The following SLCO2A1 variants were observed in gnomAD, a reference collection of about 807,000 sequenced individuals.
SLCO2A1 encodes the protein solute carrier organic anion transporter family member 2A1, also known as matrin F/G 1.
In SLCO2A1, 60 loss-of-function variants were observed where a neutral mutation model predicts 71.7. The observed-to-expected ratio is 0.84, with a 90% confidence interval of 0.68 to 1.04. SLCO2A1 has a LOEUF of 1.04. Among genes scored for constraint, SLCO2A1 ranks in the 50% least tolerant of loss-of-function variants. SLCO2A1 has a pLI of 0.00. For synonymous variants in SLCO2A1, 308 were observed against 326.7 expected (o/e 0.94, Z 0.62); for missense variants, 745 against 813.4 (o/e 0.92, Z 1.02).
chr3:134,011,423 A>G (rs1165726847), intron 1 of SLCO2A1, among the ~76,000 whole-genome samples: 1 of 152,238 alleles, frequency 6.6e-6, no homozygotes, highest in Non-Finnish European at 1.5e-5. Context: ...CTGAAGAAGA[A>G]GGAGGCTTGA....
chr3:133,937,106 C>T (rs570380719), intron 12 of SLCO2A1, among the ~76,000 whole-genome samples: 1 of 152,070 alleles, frequency 6.6e-6, no homozygotes, highest in South Asian at 2.1e-4. Context: ...CGAGAGAGTC[C>T]GAGAGAGTCC....
chr3:134,003,932 GA>G (rs879383786), intron 1 of SLCO2A1, among the ~76,000 whole-genome samples: 1 of 152,054 alleles, frequency 6.6e-6, no homozygotes, highest in Non-Finnish European at 1.5e-5. Context: ...GAGAGAGAGG[GA>G]AAAAAAGAGA....
chr3:134,026,028 G>T (rs542308108), intron 1 of SLCO2A1, among the ~76,000 whole-genome samples: 2 of 152,154 alleles, frequency 1.3e-5, no homozygotes, highest in East Asian at 3.8e-4. Flanking sequence ...AGAGATCAAT[G>T]ACCATGGGAA....
intron 9 of SLCO2A1, among the ~76,000 whole-genome samples, chr3:133,946,236 GAA>G (rs113147743): frequency 8.5e-5 from 8 of 94,432 alleles, no homozygotes; most frequent in Non-Finnish European, 1.1e-4. Flanking sequence ...TCATTTCAAA[GAA>G]AAAAAAAAAA....
chr3:133,950,870 A>C (rs1034227450), intron 6 of SLCO2A1: 3 of 349,734 alleles, frequency 8.6e-6, no homozygotes, highest in Non-Finnish European at 1.7e-5. Flanking sequence ...ATTAAATGTA[A>C]AAGTTGACTG....
chr3:133,934,874 C>T, intron 13 of SLCO2A1, 44 bp from the exon 14 acceptor site: 3 of 1,486,618 alleles, frequency 2.0e-6, no homozygotes, highest in Admixed American at 1.7e-5. Context: ...GGGGGCTCTG[C>T]AGCCCACATC....
At chr3:133,990,550 C>G (rs1934819244) in intron 1 of SLCO2A1, among the ~76,000 whole-genome samples, 1 of 152,146 alleles carries the variant, frequency 6.6e-6, no homozygotes, top group African/African-American at 2.4e-5. Flanking sequence ...ACTCATGAGT[C>G]CCGATACCAC....
chr3:134,021,587 G>A (rs958811631), intron 1 of SLCO2A1, among the ~76,000 whole-genome samples: 2 of 151,988 alleles, frequency 1.3e-5, no homozygotes, highest in Non-Finnish European at 2.9e-5. Context: ...AGAAAGGAAA[G>A]AGAGAAGAAA....
intron 2 of SLCO2A1, among the ~76,000 whole-genome samples, chr3:133,978,066 G>A (rs1934500895): frequency 3.3e-5 from 5 of 152,170 alleles, no homozygotes; most frequent in Admixed American, 3.3e-4. Flanking sequence ...CAGGCTGCAG[G>A]ACTGTGCGTG....
At chr3:133,936,757 C>T (rs1294633637) in intron 12 of SLCO2A1, among the ~76,000 whole-genome samples, 3 of 152,126 alleles carry the variant, frequency 2.0e-5, no homozygotes, top group East Asian at 3.9e-4. Flanking sequence ...GACAATGCTC[C>T]ACTTGTGGCA....
rs1278198862 is a variant in SLCO2A1, at chr3:133,933,514, T to A, written c.*1199A>T. 6.6e-6 allele frequency: 1 copy of A among 152,276 alleles called. No homozygotes were observed. Among genetic ancestry groups the A allele is most frequent in the East Asian group, 1.9e-4 (1 of 5,206 alleles). 9.4% of individuals were successfully genotyped at this position (152,276 alleles called of 1,614,324 possible). ...ATGAATGACCTCCTTCGTTGGCTTC[T>A]GTCTCTCAACATCTATCACGTAGCA... On this transcript the variant is annotated 3_prime_UTR_variant, in exon 14 of 14. Transcript: ENST00000310926.
At chr3:133,997,124 T>C (rs922081941) in intron 1 of SLCO2A1, among the ~76,000 whole-genome samples, 1 of 152,084 alleles carries the variant, frequency 6.6e-6, no homozygotes, top group Admixed American at 6.5e-5. Flanking sequence ...GATATGTCCA[T>C]CCTCAACACA....
intron 1 of SLCO2A1, among the ~76,000 whole-genome samples, chr3:133,993,928 A>G (rs1039835606): frequency 4.6e-5 from 7 of 152,178 alleles, no homozygotes; most frequent in Non-Finnish European, 1.0e-4. Flanking sequence ...TCAAGGAAAG[A>G]GAAGCTAGTT....
At chr3:133,973,408 C>T (rs2108055026) in intron 3 of SLCO2A1, among the ~76,000 whole-genome samples, 1 of 152,328 alleles carries the variant, frequency 6.6e-6, no homozygotes, top group Non-Finnish European at 1.5e-5. Flanking sequence ...CTCACAGTGT[C>T]CCCAGGGAGG....
At position 133,981,573 on chromosome 3, in the gene SLCO2A1, A is replaced by C. The variant is rs542756009; in HGVS notation, c.97-1955T>G. Among the ~76,000 whole-genome samples, 6 of 152,332 alleles carry C rather than the reference A, an allele frequency of 3.9e-5. No homozygotes were observed. The East Asian group carries it at 1.2e-3, about 29-fold the overall frequency. ...TGAAGCCTCAAATGCTTTATTTGGA[A>C]AACTTCTACCAGCAGAGTCTGGGGG... On this transcript the variant is annotated intron_variant, in intron 1 of 13. Transcript: ENST00000310926.
intron 1 of SLCO2A1, among the ~76,000 whole-genome samples, chr3:134,020,712 T>C (rs1171400716): frequency 6.6e-6 from 1 of 150,638 alleles, no homozygotes; most frequent in African/African-American, 2.5e-5. Context: ...TTGGTTTGAA[T>C]TGCTTGACAG....
chr3:133,939,324 A>G (rs1377884079), intron 11 of SLCO2A1, among the ~76,000 whole-genome samples: 1 of 152,186 alleles, frequency 6.6e-6, no homozygotes, highest in Non-Finnish European at 1.5e-5. Context: ...GGACACCTCC[A>G]CACAAGGTGG....
At chr3:133,984,874 T>G (rs887934134) in intron 1 of SLCO2A1, among the ~76,000 whole-genome samples, 4 of 152,236 alleles carry the variant, frequency 2.6e-5, no homozygotes, top group Admixed American at 6.5e-5. Context: ...GACCTTTGGC[T>G]ACCAACTGGG....
intron 1 of SLCO2A1, among the ~76,000 whole-genome samples, chr3:134,025,006 G>C (rs985966331): frequency 1.3e-5 from 2 of 151,898 alleles, no homozygotes; most frequent in Non-Finnish European, 2.9e-5. Context: ...ATGTGGACGG[G>C]AGCAGCTTTG....
Sources: gnomAD v4.1 joint callset for allele counts (sites outside exome capture counted in the v4.1 genomes callset) on GRCh38, gnomAD v4.1.1 for gene constraint, MANE v1.5 for transcripts, NCBI Gene and HGNC (gene_info 2026-07-23, HGNC 2026-07-21) for gene names.